REC114: variants seen among roughly 807,000 people sequenced by gnomAD.
The protein encoded by REC114 is meiotic recombination protein REC114.
Under a neutral mutation model 31.3 loss-of-function variants are expected in REC114, and 27 were observed. That is an observed-to-expected ratio of 0.86 (90% CI 0.64 to 1.19). REC114 has a LOEUF of 1.19. REC114 is among the 50% of genes most tolerant of loss of function. REC114 has a pLI of 0.00. For synonymous variants in REC114, 134 were observed against 127.7 expected, an observed-to-expected ratio of 1.05 and a Z score of -0.33; for missense variants, 344 against 326.9, an observed-to-expected ratio of 1.05 and a Z score of -0.40.
At chr15:73,529,265 G>A (rs961426271) in intron 2 of REC114, among the ~76,000 whole-genome samples, 2 of 151,940 alleles carry the variant, frequency 1.3e-5, no homozygotes, top group Non-Finnish European at 2.9e-5. Flanking sequence ...AGCCTCCTGA[G>A]TAGCTGGGAC....
intron 2 of REC114, among the ~76,000 whole-genome samples, chr15:73,504,773 TA>T (rs74783650): frequency 0.015 from 2,255 of 152,164 alleles, 30 homozygotes; most frequent in East Asian, 0.054. Context: ...TGTTACTTAT[TA>T]AAAAAAATTG....
intron 2 of REC114, among the ~76,000 whole-genome samples, chr15:73,518,730 A>C (rs770816510): frequency 9.9e-5 from 15 of 152,208 alleles, no homozygotes; most frequent in Non-Finnish European, 1.6e-4. Context: ...ACAGACAGCT[A>C]TTTTAGCGGT....
intron 2 of REC114, among the ~76,000 whole-genome samples, chr15:73,475,676 G>A (rs1336398833): frequency 6.6e-6 from 1 of 152,024 alleles, no homozygotes; most frequent in East Asian, 1.9e-4. Flanking sequence ...TGTGATTGAA[G>A]AAAGATACTT....
At chr15:73,539,457 CTTTTTTTTTTTT>C (rs58815458) in intron 2 of REC114, among the ~76,000 whole-genome samples, 10 of 104,288 alleles carry the variant, frequency 9.6e-5, no homozygotes, top group East Asian at 5.3e-4. Flanking sequence ...CGCCCGGCTA[CTTTTTTTTTTTT>C]TTTTTTTTTT....
chr15:73,475,118 G>A (rs1285721616), intron 2 of REC114, among the ~76,000 whole-genome samples: 19 of 152,140 alleles, frequency 1.2e-4, no homozygotes. Flanking sequence ...GCTGAATGGT[G>A]ACATTAATGC....
At chr15:73,467,823 T>G (rs1893082115) in intron 1 of REC114, among the ~76,000 whole-genome samples, 1 of 152,118 alleles carries the variant, frequency 6.6e-6, no homozygotes, top group African/African-American at 2.4e-5. Flanking sequence ...GGTCAGAAAT[T>G]TGAAATGGGT....
At chr15:73,559,313 C>T (rs932293004) in intron 5 of REC114, among the ~76,000 whole-genome samples, 5 of 152,186 alleles carry the variant, frequency 3.3e-5, no homozygotes, top group East Asian at 3.9e-4. Flanking sequence ...CTCTTTCTTA[C>T]ATTCAGAATG....
chr15:73,494,193 A>G (rs935360462), intron 2 of REC114, among the ~76,000 whole-genome samples: 1 of 152,140 alleles, frequency 6.6e-6, no homozygotes, highest in Non-Finnish European at 1.5e-5. Context: ...GTTCTCTACT[A>G]TTTTATATTT....
chr15:73,506,930 C>T (rs575471424), intron 2 of REC114, among the ~76,000 whole-genome samples: 1 of 151,952 alleles, frequency 6.6e-6, no homozygotes, highest in Non-Finnish European at 1.5e-5. Context: ...CCATAGCCAA[C>T]TAAAAAAAAT....
intron 2 of REC114, among the ~76,000 whole-genome samples, chr15:73,537,328 G>A (rs1252471915): frequency 6.6e-6 from 1 of 152,156 alleles, no homozygotes; most frequent in Non-Finnish European, 1.5e-5. Context: ...GGAAGAGGCA[G>A]AAGAGATATA....
At chr15:73,536,334 G>A (rs1485002322) in intron 2 of REC114, among the ~76,000 whole-genome samples, 2 of 152,094 alleles carry the variant, frequency 1.3e-5, no homozygotes, top group African/African-American at 4.8e-5. Flanking sequence ...GACCTGGTGG[G>A]GGAACAGTAT....
intron 2 of REC114, among the ~76,000 whole-genome samples, chr15:73,500,512 G>T (rs1050960353): frequency 6.6e-6 from 1 of 152,266 alleles, no homozygotes; most frequent in Admixed American, 6.5e-5. Flanking sequence ...CAGGTGAGAT[G>T]GAGGCATTGT....
chr15:73,508,177 C>T (rs969295762), intron 2 of REC114, among the ~76,000 whole-genome samples: 29 of 151,832 alleles, frequency 1.9e-4, no homozygotes, highest in African/African-American at 6.1e-4. Context: ...TCACATCTGG[C>T]GTCTGTTTGT....
chr15:73,514,411 G>A (rs980675185), intron 2 of REC114, among the ~76,000 whole-genome samples: 1 of 151,822 alleles, frequency 6.6e-6, no homozygotes, highest in Admixed American at 6.6e-5. Flanking sequence ...CTTCTGCGTC[G>A]CTCACGCTGG....
intron 4 of REC114, among the ~76,000 whole-genome samples, chr15:73,555,614 A>T (rs1314487458): frequency 6.6e-6 from 1 of 152,126 alleles, no homozygotes; most frequent in Non-Finnish European, 1.5e-5. Context: ...TTTACTTGTT[A>T]GGTTCTCACT....
chr15:73,493,353 TC>T (rs1416613386), intron 2 of REC114, among the ~76,000 whole-genome samples: 1 of 152,214 alleles, frequency 6.6e-6, no homozygotes, highest in African/African-American at 2.4e-5. Context: ...TCTGCATTTT[TC>T]TGAATTTAGT....
chr15:73,523,837 T>C (rs1191148550), intron 2 of REC114, among the ~76,000 whole-genome samples: 1 of 152,234 alleles, frequency 6.6e-6, no homozygotes, highest in African/African-American at 2.4e-5. Flanking sequence ...CATTTAGGTC[T>C]ATGATTTATT....
intron 2 of REC114, among the ~76,000 whole-genome samples, chr15:73,490,663 C>T (rs774988654): frequency 2.6e-5 from 4 of 152,080 alleles, no homozygotes; most frequent in Non-Finnish European, 4.4e-5. Context: ...CCACTGTATT[C>T]CAGTCTGAGC....
At chr15:73,521,642 G>GGAT (rs1893936883) in intron 2 of REC114, among the ~76,000 whole-genome samples, 1 of 151,964 alleles carries the variant, frequency 6.6e-6, no homozygotes, top group South Asian at 2.1e-4. Flanking sequence ...ATGAAAAGGG[G>GGAT]GATATCACTG....
Sources: gnomAD v4.1 joint callset for allele counts (sites outside exome capture counted in the v4.1 genomes callset) on GRCh38, gnomAD v4.1.1 for gene constraint, MANE v1.5 for transcripts, NCBI Gene and HGNC (gene_info 2026-07-23, HGNC 2026-07-21) for gene names.